The following NFATC2 variants were observed in gnomAD, a reference collection of about 807,000 sequenced individuals.
NFATC2 encodes the protein nuclear factor of activated T cells 2, also known as nuclear factor of activated T-cells, cytoplasmic 2.
A neutral mutation model predicts 87.3 loss-of-function variants in NFATC2; 22 were observed. The observed-to-expected ratio is 0.25, with a 90% confidence interval of 0.18 to 0.36. The LOEUF is 0.36. NFATC2 is among the 10% of genes least tolerant of loss of function. The probability of loss-of-function intolerance (pLI) is 1.00; values close to 1 mark genes in which losing one functional copy is unlikely to be tolerated. For synonymous variants in NFATC2, 565 were observed against 542.2 expected (o/e 1.04, Z -0.58); for missense variants, 1,149 against 1,259.1 (o/e 0.91, Z 1.32).
intron 9 of NFATC2, among the ~76,000 whole-genome samples, chr20:51,414,145 G>A (rs945012579): frequency 2.7e-5 from 4 of 150,934 alleles, no homozygotes; most frequent in African/African-American, 2.4e-5. Flanking sequence ...AAGGGTGGAC[G>A]TCAGCAAATG....
intron 3 of NFATC2, among the ~76,000 whole-genome samples, chr20:51,479,655 G>A (rs1989061682): frequency 6.6e-6 from 1 of 152,144 alleles, no homozygotes; most frequent in Non-Finnish European, 1.5e-5. Flanking sequence ...TAATGCAGCA[G>A]TGAAAGCATC....
At chr20:51,492,506 G>C (rs182902641) in intron 3 of NFATC2, among the ~76,000 whole-genome samples, 1 of 152,322 alleles carries the variant, frequency 6.6e-6, no homozygotes, top group Admixed American at 6.5e-5. Context: ...CATTTAATGC[G>C]AACCAAACAC....
At chr20:51,444,816 G>A (rs1984837831) in intron 6 of NFATC2, among the ~76,000 whole-genome samples, 1 of 152,142 alleles carries the variant, frequency 6.6e-6, no homozygotes, top group Non-Finnish European at 1.5e-5. Context: ...GAGCCCAGCA[G>A]ACAGGGGTGG....
intron 9 of NFATC2, among the ~76,000 whole-genome samples, chr20:51,401,667 T>C (rs1600661775): frequency 6.6e-6 from 1 of 152,106 alleles, no homozygotes; most frequent in Non-Finnish European, 1.5e-5. Flanking sequence ...CCACAATTAC[T>C]TTTGCGCCAA....
chr20:51,468,015 T>C (rs867170845), intron 5 of NFATC2, among the ~76,000 whole-genome samples: 1 of 152,214 alleles, frequency 6.6e-6, no homozygotes, highest in African/African-American at 2.4e-5. Flanking sequence ...ACCATAGCAG[T>C]GACAGATCTC....
In NFATC2 at chr20:51,480,515, C is replaced by A. The variant is rs917380930; in HGVS notation, c.1333-4855G>T. 1.8e-4 allele frequency among the ~76,000 whole-genome samples: 28 copies of A among 152,304 alleles called. No individual in the cohort carries two copies. The highest frequency in any genetic ancestry group is 5.5e-4 in the African/African-American group (23 of 41,564). Reference sequence around the variant, plus strand: ...GCTGGGCTGGCTTATACAATGTGAGCAGATAGAATCCACCTGGCACTGGTG... The same window carrying A: ...GCTGGGCTGGCTTATACAATGTGAGAAGATAGAATCCACCTGGCACTGGTG... On this transcript the variant is annotated intron_variant, in intron 3 of 10. Transcript: ENST00000371564. This position sits in a 1 kb window ranked among gnomAD's most constrained non-coding sequence, Gnocchi z 4.2.
intron 10 of NFATC2, among the ~76,000 whole-genome samples, chr20:51,396,899 C>T (rs913787378): frequency 6.6e-6 from 1 of 152,150 alleles, no homozygotes; most frequent in Non-Finnish European, 1.5e-5. Context: ...AGCAACCGGG[C>T]CTGCTGGTCT....
rs1357828554 is a variant in NFATC2 at position 51,389,027 on chromosome 20, T to C, written c.*2469A>G. On this transcript the variant is annotated 3_prime_UTR_variant, in exon 11 of 11. Coordinates refer to ENST00000371564, the MANE Select transcript of NFATC2 (RefSeq NM_012340.5). ...TCCTAATACACTTTCTCTTGCCTGTTTATGTCTCAAATCTAATGCTTTTGT... is the reference window on the plus strand; with the variant it reads ...TCCTAATACACTTTCTCTTGCCTGTCTATGTCTCAAATCTAATGCTTTTGT... The C allele has an allele frequency of 6.6e-6, 1 of 152,256 alleles. No individual in the cohort carries two copies. The highest frequency in any genetic ancestry group is 2.4e-5 in the African/African-American group (1 of 41,470). 9.4% of individuals were successfully genotyped at this position (152,256 alleles called of 1,614,324 possible).
intron 1 of NFATC2, among the ~76,000 whole-genome samples, chr20:51,553,450 C>T (rs1349212116): frequency 5.9e-5 from 9 of 151,998 alleles, no homozygotes; most frequent in South Asian, 2.1e-4. Flanking sequence ...CCGAGGTGGG[C>T]GGATCACGAG....
At chr20:51,507,541 T>A (rs1270832009) in intron 3 of NFATC2, among the ~76,000 whole-genome samples, 2 of 152,202 alleles carry the variant, frequency 1.3e-5, no homozygotes, top group Non-Finnish European at 2.9e-5. Flanking sequence ...CACTGGAACT[T>A]TTGTTTAGCA....
intron 9 of NFATC2, among the ~76,000 whole-genome samples, chr20:51,429,644 CT>C (rs765890698): frequency 2.0e-5 from 3 of 152,248 alleles, no homozygotes; most frequent in Non-Finnish European, 4.4e-5. Flanking sequence ...ATGCGCTCTC[CT>C]TTGTGCTACA....
chr20:51,510,400 G>A (rs549976685), intron 3 of NFATC2, among the ~76,000 whole-genome samples: 1 of 152,228 alleles, frequency 6.6e-6, no homozygotes, highest in Non-Finnish European at 1.5e-5. Flanking sequence ...CTGAATGGAT[G>A]TTTTGTCCAC....
chr20:51,447,656 G>C (rs1985243670), intron 6 of NFATC2, among the ~76,000 whole-genome samples: 1 of 152,212 alleles, frequency 6.6e-6, no homozygotes, highest in Non-Finnish European at 1.5e-5. Context: ...CTGAGGCCCT[G>C]TGGCCAAGGG....
intron 3 of NFATC2, among the ~76,000 whole-genome samples, chr20:51,495,380 A>G (rs1331841736): frequency 6.6e-6 from 1 of 152,246 alleles, no homozygotes; most frequent in Non-Finnish European, 1.5e-5. Context: ...GAGCCAGCAC[A>G]CATGGCTGGA....
chr20:51,426,951 C>T (rs1006305112), intron 9 of NFATC2, among the ~76,000 whole-genome samples: 32 of 152,302 alleles, frequency 2.1e-4, no homozygotes, highest in African/African-American at 7.7e-4. Flanking sequence ...AATAAGCAGA[C>T]TGATTTGTGC....
At chr20:51,535,507 T>G (rs1481441071) in intron 1 of NFATC2, among the ~76,000 whole-genome samples, 1 of 152,232 alleles carries the variant, frequency 6.6e-6, no homozygotes, top group African/African-American at 2.4e-5. Flanking sequence ...CTTCTTTATT[T>G]ATACTTTTCC....
At chr20:51,446,301 G>T (rs1303131120) in intron 6 of NFATC2, among the ~76,000 whole-genome samples, 1 of 152,236 alleles carries the variant, frequency 6.6e-6, no homozygotes, top group Non-Finnish European at 1.5e-5. Context: ...CAGGCTCCCA[G>T]AGTGCAGGTA....
chr20:51,397,694 C>T (rs1004088621), intron 10 of NFATC2, among the ~76,000 whole-genome samples: 13 of 152,136 alleles, frequency 8.5e-5, no homozygotes, highest in African/African-American at 2.2e-4. Flanking sequence ...TGTGCTCCTC[C>T]CCCCAGGGCT....
At chr20:51,438,639 C>T (rs995656788) in intron 6 of NFATC2, among the ~76,000 whole-genome samples, 2 of 152,170 alleles carry the variant, frequency 1.3e-5, no homozygotes, top group Admixed American at 1.3e-4. Context: ...AAGGGCATCA[C>T]CAAGAGGAGA....
Sources: allele counts gnomAD v4.1 joint callset (sites outside exome capture counted in the v4.1 genomes callset), GRCh38; gene constraint gnomAD v4.1.1; non-coding constraint Gnocchi (gnomAD v3.1); transcripts MANE v1.5; gene names NCBI Gene and HGNC (gene_info 2026-07-23, HGNC 2026-07-21).